The following USH2A variants were observed in gnomAD, a reference collection of about 807,000 sequenced individuals.
The protein encoded by USH2A is usherin.
Under a neutral mutation model 538.9 loss-of-function variants are expected in USH2A, and 443 were observed. The observed-to-expected ratio is 0.82, with a 90% CI of 0.76 to 0.89. The LOEUF is 0.89. USH2A is among the 40% of genes least tolerant of loss of function. USH2A has a pLI of 0.00. For missense variants in USH2A, 6,633 were observed against 6,324.8 expected (o/e 1.05, Z -1.65); for synonymous variants, 2,413 against 2,273.5 (o/e 1.06, Z -1.75).
intron 11 of USH2A, among the ~76,000 whole-genome samples, chr1:216,280,491 A>T (rs1247043658): frequency 6.6e-6 from 1 of 151,982 alleles, no homozygotes; most frequent in East Asian, 1.9e-4. Context: ...TAAAATATAC[A>T]CTCATATAGT....
chr1:216,159,169 C>G (rs1304200529), intron 21 of USH2A, among the ~76,000 whole-genome samples: 1 of 151,912 alleles, frequency 6.6e-6, no homozygotes, highest in African/African-American at 2.4e-5. Flanking sequence ...TTTGACATAC[C>G]TAATACTTAT....
At chr1:216,251,252 G>A (rs1278048759) in intron 11 of USH2A, among the ~76,000 whole-genome samples, 154 bp from the exon 12 acceptor site, 1 of 151,980 alleles carries the variant, frequency 6.6e-6, no homozygotes, top group Non-Finnish European at 1.5e-5. Context: ...ACACAACATG[G>A]GAGGCTTCAG....
chr1:215,969,514 C>A lies in USH2A; in HGVS notation c.6957+1111G>T, dbSNP rs1667438195. On this transcript the variant is annotated intron_variant, in intron 36 of 71. Coordinates refer to ENST00000307340, the MANE Select transcript of USH2A (RefSeq NM_206933.4). Reference sequence around the variant, plus strand: ...TTACATTTTCAAAAAGTGTAAATTTCAATCTCATGTGACGTGTTCTTTTGT... The same window carrying A: ...TTACATTTTCAAAAAGTGTAAATTTAAATCTCATGTGACGTGTTCTTTTGT... Among the ~76,000 whole-genome samples, 2 of 151,888 alleles carry A rather than the reference C, an allele frequency of 1.3e-5. 1 individual carries two copies. Among genetic ancestry groups the A allele is most frequent in the Admixed American group, 1.3e-4 (2 of 15,250 alleles).
chr1:216,279,553 C>T (rs971720027), intron 11 of USH2A, among the ~76,000 whole-genome samples: 2 of 152,072 alleles, frequency 1.3e-5, no homozygotes, highest in African/African-American at 2.4e-5. Context: ...CATCTGGGAA[C>T]TTTTACACAT....
chr1:216,355,377 A>AAGAAAGAC (rs2038373530), intron 4 of USH2A, among the ~76,000 whole-genome samples: 2 of 145,718 alleles, frequency 1.4e-5, no homozygotes, highest in Non-Finnish European at 3.0e-5. Context: ...GAAAGAAAGA[A>AAGAAAGAC]GGAAAGAAAC....
intron 30 of USH2A, among the ~76,000 whole-genome samples, chr1:216,054,774 G>A (rs1322144326): frequency 2.6e-5 from 4 of 151,254 alleles, no homozygotes; most frequent in Non-Finnish European, 5.9e-5. Context: ...TCTTCGAATC[G>A]CTTGTACAGC....
intron 44 of USH2A, among the ~76,000 whole-genome samples, chr1:215,846,868 A>C (rs1663864048): frequency 6.6e-6 from 1 of 152,188 alleles, no homozygotes; most frequent in Non-Finnish European, 1.5e-5. Context: ...GGATGCTTAG[A>C]AAGATATCCT....
Position 216,198,341 on chromosome 1 carries a change from C to A in USH2A, c.4055G>T (p.Trp1352Leu). ...VNMAGSVSSA[W>L]VSERTGESAP... ...TGATTCTCCCGTTCTTTCTGAGACC[C>A]AGGCAGAAGACACACTTCCAGCCAT... Residue 1352 changes from tryptophan to leucine, a missense_variant, in exon 18 of 72, where the codon TGG (tryptophan) becomes TTG (leucine). Physicochemically the swap from Trp to Leu is moderately conservative, Grantham distance 61. Coordinates refer to ENST00000307340, the MANE Select transcript of USH2A (RefSeq NM_206933.4). 2.5e-6 allele frequency: 4 copies of A among 1,613,912 alleles called. No homozygotes were observed. Among genetic ancestry groups the A allele is most frequent in the Non-Finnish European group, 3.4e-6 (4 of 1,179,936 alleles).
chr1:215,903,192 G>A (rs1404302578), intron 38 of USH2A, among the ~76,000 whole-genome samples: 1 of 152,090 alleles, frequency 6.6e-6, no homozygotes, highest in Non-Finnish European at 1.5e-5. Context: ...AGAGTTTAAG[G>A]AGGAAGAAGA....
chr1:215,879,039 C>T lies in USH2A; in HGVS notation c.8283G>A (p.Met2761Ile), dbSNP rs774015174. Residue 2761 changes from methionine (M) to isoleucine (I), a missense_variant, in exon 42 of 72, where the codon ATG becomes ATA. Transcript: ENST00000307340. Reference sequence around the variant, plus strand: ...TGGTTAAAGTGATGTGAGGGTCAGGCATGTGAATCTCATAGCTAAGTATGT... The same window carrying T: ...TGGTTAAAGTGATGTGAGGGTCAGGTATGTGAATCTCATAGCTAAGTATGT... Reference protein sequence around the residue: ...NGDILSYEIHMPDPHITLTNV... With the variant: ...NGDILSYEIHIPDPHITLTNV... The T allele has an allele frequency of 1.9e-6, 3 of 1,614,018 alleles. No individual in the cohort carries two copies. The South Asian group carries it at 3.3e-5, about 18-fold the overall frequency.
intron 35 of USH2A, among the ~76,000 whole-genome samples, chr1:215,981,045 C>T (rs1667741031): frequency 6.6e-6 from 1 of 152,078 alleles, no homozygotes; most frequent in African/African-American, 2.4e-5. Flanking sequence ...TTCTAGTGTA[C>T]ATGTGAGTCC....
At chr1:215,917,885 C>A (rs1246857787) in intron 38 of USH2A, among the ~76,000 whole-genome samples, 1 of 151,606 alleles carries the variant, frequency 6.6e-6, no homozygotes, top group African/African-American at 2.4e-5. Context: ...ATTGCTTGAG[C>A]CCAGGAGATT....
At chr1:216,201,819 G>T (rs991401340) in intron 16 of USH2A, 15 of 220,914 alleles carry the variant, frequency 6.8e-5, no homozygotes, top group Non-Finnish European at 1.5e-4. Context: ...GGTACCAGAG[G>T]TCGCCTGGTT....
At position 216,173,434 on chromosome 1, in the gene USH2A, C is replaced by A. The variant is rs367854046; in HGVS notation, c.4627+1818G>T. Among the ~76,000 whole-genome samples the A allele has an allele frequency of 8.5e-5, 13 of 152,290 alleles. 1 individual carries two copies. Among genetic ancestry groups the A allele is most frequent in the Admixed American group, 3.3e-4 (5 of 15,284 alleles). On this transcript the variant is annotated intron_variant, in intron 21 of 71. Transcript: ENST00000307340. ...CATTCTCCAGGAATCACCAAAGCTC[C>A]AGGGAGTAGTTCAAGCCAAAATTGT... is the stretch of plus-strand genomic sequence containing the variant.
At chr1:216,289,526 T>C in intron 10 of USH2A, 116 bp from the exon 11 acceptor site, 2 of 1,374,314 alleles carry the variant, frequency 1.5e-6, no homozygotes, top group Non-Finnish European at 2.0e-6. Context: ...GAACGTCCGT[T>C]TTAATGCACC....
intron 19 of USH2A, among the ~76,000 whole-genome samples, chr1:216,191,059 T>G (rs2034706668): frequency 6.6e-6 from 1 of 152,032 alleles, no homozygotes; most frequent in Admixed American, 6.6e-5. Flanking sequence ...AAATAAATTA[T>G]TAAACAATTA....
At chr1:216,236,108 A>G (rs2035810134) in intron 13 of USH2A, among the ~76,000 whole-genome samples, 1 of 152,140 alleles carries the variant, frequency 6.6e-6, no homozygotes, top group Non-Finnish European at 1.5e-5. Context: ...ATACATAAAT[A>G]TTAATATTAT....
At chr1:216,061,334 T>A (rs1413024694) in intron 30 of USH2A, among the ~76,000 whole-genome samples, 1 of 152,370 alleles carries the variant, frequency 6.6e-6, no homozygotes, top group East Asian at 1.9e-4. Flanking sequence ...TCCCAATAAC[T>A]ATTACACTTA....
At chr1:215,824,652 TCCCCAC>T (rs1663104779) in intron 47 of USH2A, among the ~76,000 whole-genome samples, 1 of 152,126 alleles carries the variant, frequency 6.6e-6, no homozygotes, top group Admixed American at 6.6e-5. Flanking sequence ...TAGTCCCATC[TCCCCAC>T]ATTGTCTCTG....
Sources: allele counts gnomAD v4.1 joint callset (sites outside exome capture counted in the v4.1 genomes callset), GRCh38; gene constraint gnomAD v4.1.1; transcripts MANE v1.5; gene names NCBI Gene and HGNC (gene_info 2026-07-23, HGNC 2026-07-21).